Variants in CLNK observed in about 807,000 individuals in gnomAD.
CLNK encodes cytokine dependent hematopoietic cell linker.
In CLNK, 74 loss-of-function variants were observed where a neutral mutation model predicts 68.6. The observed-to-expected ratio is 1.08, with a 90% CI of 0.89 to 1.31. The LOEUF (loss-of-function observed/expected upper bound fraction) is 1.31, where lower values mean the gene tolerates loss of function less well. CLNK is among the 50% of genes most tolerant of loss of function. CLNK has a pLI of 0.00. For synonymous variants in CLNK, 198 were observed against 172.2 expected, an observed-to-expected ratio of 1.15 and a Z score of -1.17; for missense variants, 553 against 515.3, an observed-to-expected ratio of 1.07 and a Z score of -0.71.
At chr4:10,601,837 G>A (rs940047250) in intron 2 of CLNK, among the ~76,000 whole-genome samples, 1 of 152,166 alleles carries the variant, frequency 6.6e-6, no homozygotes, top group Admixed American at 6.5e-5. Context: ...TGCTCGATTT[G>A]CTTGTCACAG....
chr4:10,725,172 T>C, the CLNK span, among the ~76,000 whole-genome samples: 1 of 152,054 alleles, frequency 6.6e-6, no homozygotes, highest in Non-Finnish European at 1.5e-5. Flanking sequence ...TAACCAGGGG[T>C]TGCTCACTGT....
chr4:10,712,008 G>A, the CLNK span, among the ~76,000 whole-genome samples: 58 of 152,182 alleles, frequency 3.8e-4, no homozygotes, highest in Middle Eastern at 3.4e-3. Flanking sequence ...AAGGAAGTGC[G>A]GCATCTGCTA....
At chr4:10,705,282 A>G in the CLNK span, among the ~76,000 whole-genome samples, 1 of 152,232 alleles carries the variant, frequency 6.6e-6, no homozygotes, top group Admixed American at 6.5e-5. Context: ...ATTTGTCTTC[A>G]CCAATTGGTG....
At position 10,571,916 on chromosome 4, in the gene CLNK, A is replaced by G. The variant is rs1004537463; in HGVS notation, c.113-138T>C. 1.2e-5 allele frequency: 8 copies of G among 661,784 alleles called. No individual in the cohort carries two copies. The African/African-American group carries it at 1.3e-4, about 11-fold the overall frequency. 41.0% of individuals were successfully genotyped at this position (661,784 alleles called of 1,614,324 possible). A position where few individuals can be genotyped will look rare whatever the true frequency, so the allele number is the denominator to read the frequency against. Reference sequence around the variant, plus strand: ...ACCTTGATTGTGATTTTTCAAAACTAAAGTGCATTTTTCTTTATTTCCCAT... The same window carrying G: ...ACCTTGATTGTGATTTTTCAAAACTGAAGTGCATTTTTCTTTATTTCCCAT... On this transcript the variant is annotated intron_variant, in intron 4 of 18. Coordinates refer to ENST00000226951, the MANE Select transcript of CLNK (RefSeq NM_052964.4).
At position 10,501,125 on chromosome 4, in the gene CLNK, G is replaced by A. The variant is rs1717025912; in HGVS notation, c.1140+131C>T. On this transcript the variant is annotated intron_variant, in intron 18 of 18. Transcript: ENST00000226951. ...GTAAGATGTGCAGATATTTGTGGAAGGGGTGGGGAGGTCAGACTGCATCCC... is the reference window on the plus strand; with the variant it reads ...GTAAGATGTGCAGATATTTGTGGAAAGGGTGGGGAGGTCAGACTGCATCCC... 5 of 865,498 alleles carry A rather than the reference G, an allele frequency of 5.8e-6. No individual in the cohort carries two copies. In the East Asian group the frequency reaches 8.6e-5, roughly 15 times the overall value. 53.6% of individuals were successfully genotyped at this position (865,498 alleles called of 1,614,324 possible).
At chr4:10,593,372 A>G (rs1721259053) in intron 3 of CLNK, among the ~76,000 whole-genome samples, 1 of 152,094 alleles carries the variant, frequency 6.6e-6, no homozygotes. Flanking sequence ...GGAGGACTCC[A>G]GGCGGGGCAC....
the CLNK span, among the ~76,000 whole-genome samples, chr4:10,718,278 C>A: frequency 6.6e-6 from 1 of 152,170 alleles, no homozygotes; most frequent in South Asian, 2.1e-4. Context: ...GACAACTCTC[C>A]CATTTTGTAA....
chr4:10,658,747 A>C (rs984943788), intron 2 of CLNK, among the ~76,000 whole-genome samples: 1 of 152,230 alleles, frequency 6.6e-6, no homozygotes, highest in Non-Finnish European at 1.5e-5. Flanking sequence ...GACCCGACAC[A>C]GTGTCCCTTC....
chr4:10,503,543 T>C (rs2109026965), intron 17 of CLNK, among the ~76,000 whole-genome samples: 2 of 148,544 alleles, frequency 1.3e-5, no homozygotes, highest in South Asian at 4.2e-4. Flanking sequence ...TATAATTCTT[T>C]ATATAGATTT....
chr4:10,640,496 G>A (rs1478941157), intron 2 of CLNK, among the ~76,000 whole-genome samples: 1 of 152,222 alleles, frequency 6.6e-6, no homozygotes, highest in East Asian at 1.9e-4. Flanking sequence ...GGTCTTAAAA[G>A]TATCTCTCTG....
rs192275601 is a variant in CLNK at position 10,637,926 on chromosome 4, C to T, written c.11+29933G>A. On this transcript the variant is annotated intron_variant, in intron 2 of 18. Coordinates refer to ENST00000226951, the MANE Select transcript of CLNK (RefSeq NM_052964.4). ...CCGGCCCATCATTCCTCTTTTATTG[C>T]CTACTCTCTTAAAGAGTCCCTTAAA... Among the ~76,000 whole-genome samples the T allele has an allele frequency of 4.8e-3, 730 of 151,544 alleles. 5 individuals are homozygous for T. Among genetic ancestry groups the T allele is most frequent in the Non-Finnish European group, 7.8e-3 (531 of 67,998 alleles).
intron 2 of CLNK, among the ~76,000 whole-genome samples, chr4:10,616,956 T>C (rs1331961176): frequency 1.3e-5 from 2 of 151,932 alleles, no homozygotes; most frequent in Non-Finnish European, 2.9e-5. Context: ...GGGTCAAATA[T>C]AGCTAGTACA....
At chr4:10,538,017 C>A (rs780126265) in intron 11 of CLNK, among the ~76,000 whole-genome samples, 25 of 151,888 alleles carry the variant, frequency 1.6e-4, no homozygotes, top group South Asian at 4.2e-4. Context: ...GCTACTGGGT[C>A]CCAAGATACT....
At chr4:10,675,576 A>G (rs1560274676) in intron 1 of CLNK, among the ~76,000 whole-genome samples, 1 of 152,204 alleles carries the variant, frequency 6.6e-6, no homozygotes, top group East Asian at 1.9e-4. Flanking sequence ...ATTTCACCTG[A>G]TCCAAAATTA....
At chr4:10,559,451 G>T (rs907750263) in intron 7 of CLNK, among the ~76,000 whole-genome samples, 4 of 152,084 alleles carry the variant, frequency 2.6e-5, no homozygotes, top group Non-Finnish European at 5.9e-5. Flanking sequence ...TTTCTCCAGG[G>T]TTACCTTGTG....
At position 10,677,845 on chromosome 4, in the gene CLNK, A is replaced by ATAATAG. The variant is rs545905742; in HGVS notation, c.-43+6822_-43+6823insCTATTA. ...TGGACTAATAAAAATAGCAATAATA[A>ATAATAG]TAATAATAATAATAATACCATTTAC... On this transcript the variant is annotated intron_variant, in intron 1 of 18. Transcript: ENST00000226951. 2.0e-3 allele frequency among the ~76,000 whole-genome samples: 305 copies of ATAATAG among 151,618 alleles called. 2 individuals carry two copies. The highest frequency in any genetic ancestry group is 7.0e-3 in the African/African-American group (290 of 41,440).
chr4:10,507,054 C>G (rs1050608091), intron 17 of CLNK, among the ~76,000 whole-genome samples: 2 of 151,998 alleles, frequency 1.3e-5, no homozygotes, highest in Admixed American at 1.3e-4. Context: ...AGCCGCCTGC[C>G]TCGGCCTCCA....
At chr4:10,711,292 C>T in the CLNK span, among the ~76,000 whole-genome samples, 2 of 152,082 alleles carry the variant, frequency 1.3e-5, no homozygotes, top group Non-Finnish European at 2.9e-5. Flanking sequence ...GCCTGGTGTC[C>T]AATACAAGCA....
intron 8 of CLNK, among the ~76,000 whole-genome samples, chr4:10,544,069 C>T (rs75733705): frequency 6.6e-6 from 1 of 152,170 alleles, no homozygotes; most frequent in African/African-American, 2.4e-5. Flanking sequence ...CCCTGGTGGA[C>T]CATCTTGCTG....
Sources: allele counts gnomAD v4.1 joint callset (sites outside exome capture counted in the v4.1 genomes callset), GRCh38; gene constraint gnomAD v4.1.1; transcripts MANE v1.5; gene names NCBI Gene and HGNC (gene_info 2026-07-23, HGNC 2026-07-21).